Variants in MTX2 observed in about 807,000 individuals in gnomAD.
MTX2 encodes metaxin 2.
In MTX2, 35 loss-of-function variants were observed where a neutral mutation model predicts 42.3. The observed-to-expected ratio is 0.83, with a 90% CI of 0.63 to 1.10. MTX2 has a LOEUF of 1.10. Ranked by LOEUF, MTX2 falls within the 50% of genes least tolerant of loss-of-function variation. The pLI is 0.00. For synonymous variants in MTX2, 119 were observed against 100.9 expected (o/e 1.18, Z -1.08); for missense variants, 307 against 304.1 (o/e 1.01, Z -0.07).
At chr2:176,286,566 T>C (rs987458626) in intron 1 of MTX2, among the ~76,000 whole-genome samples, 2 of 151,526 alleles carry the variant, frequency 1.3e-5, no homozygotes, top group African/African-American at 4.9e-5. Context: ...TTTTTTTTTC[T>C]GAGATGGAGT....
At chr2:176,286,374 C>T (rs1417682182) in intron 1 of MTX2, among the ~76,000 whole-genome samples, 1 of 152,080 alleles carries the variant, frequency 6.6e-6, no homozygotes, top group Non-Finnish European at 1.5e-5. Flanking sequence ...TCTAGTTATT[C>T]TCTAGTTTTA....
intron 1 of MTX2, among the ~76,000 whole-genome samples, chr2:176,277,505 T>G (rs1453956627): frequency 6.6e-6 from 1 of 152,092 alleles, no homozygotes; most frequent in Non-Finnish European, 1.5e-5. Flanking sequence ...TGGGTTCAAG[T>G]GATTCTCCTG....
intron 3 of MTX2, among the ~76,000 whole-genome samples, chr2:176,317,524 G>C (rs1684476565): frequency 6.6e-6 from 1 of 152,164 alleles, no homozygotes; most frequent in South Asian, 2.1e-4. Context: ...AGGCTAAAGA[G>C]ATGAGGGACT....
chr2:176,281,124 C>G (rs1693068719), intron 1 of MTX2, among the ~76,000 whole-genome samples: 1 of 151,880 alleles, frequency 6.6e-6, no homozygotes, highest in African/African-American at 2.4e-5. Flanking sequence ...TACGTGTAGT[C>G]TCTGTTGATT....
chr2:176,325,518 T>C (rs1684687781), intron 4 of MTX2, among the ~76,000 whole-genome samples: 1 of 151,768 alleles, frequency 6.6e-6, no homozygotes, highest in Admixed American at 6.6e-5. Flanking sequence ...GCTCAATGTA[T>C]TTTTAAGAAA....
chr2:176,296,547 G>C (rs992539549), intron 1 of MTX2, among the ~76,000 whole-genome samples: 1 of 152,030 alleles, frequency 6.6e-6, no homozygotes, highest in African/African-American at 2.4e-5. Flanking sequence ...TTTGAAAGAA[G>C]CTAAAGGAAT....
At chr2:176,300,866 A>G (rs1304656319) in intron 3 of MTX2, among the ~76,000 whole-genome samples, 1 of 152,132 alleles carries the variant, frequency 6.6e-6, no homozygotes, top group Non-Finnish European at 1.5e-5. Context: ...CACTTAGAAG[A>G]GTACCTGGCA....
chr2:176,294,097 G>A (rs919227505), intron 1 of MTX2, among the ~76,000 whole-genome samples: 15 of 152,068 alleles, frequency 9.9e-5, no homozygotes, highest in African/African-American at 3.6e-4. Flanking sequence ...TAGATTGAGT[G>A]AAATATTCAC....
intron 1 of MTX2, among the ~76,000 whole-genome samples, chr2:176,279,602 C>T (rs550338453): frequency 6.6e-6 from 1 of 151,990 alleles, no homozygotes; most frequent in Admixed American, 6.6e-5. Context: ...TAGATGCTAT[C>T]ATTGTTATTT....
At chr2:176,310,807 T>C (rs1306608221) in intron 3 of MTX2, among the ~76,000 whole-genome samples, 1 of 152,228 alleles carries the variant, frequency 6.6e-6, no homozygotes, top group African/African-American at 2.4e-5. Flanking sequence ...TCTAACCTTT[T>C]TTCAAGGTTT....
intron 1 of MTX2, among the ~76,000 whole-genome samples, chr2:176,275,953 A>G (rs566570879): frequency 1.3e-5 from 2 of 152,338 alleles, no homozygotes; most frequent in African/African-American, 4.8e-5. Flanking sequence ...TACACTTTCT[A>G]TGGATTTTGA....
intron 3 of MTX2, 136 bp downstream of exon 3, chr2:176,298,031 T>C (rs1350234682): frequency 4.3e-6 from 2 of 468,068 alleles, no homozygotes; most frequent in Non-Finnish European, 7.5e-6. Flanking sequence ...TTTACCATTA[T>C]CTATATAACA....
chr2:176,283,281 A>G (rs1212393270), intron 1 of MTX2, among the ~76,000 whole-genome samples: 1 of 152,170 alleles, frequency 6.6e-6, no homozygotes, highest in African/African-American at 2.4e-5. Flanking sequence ...ACAAAATTAG[A>G]TCCTAGAGGG....
chr2:176,283,204 T>G (rs1430166414), intron 1 of MTX2, among the ~76,000 whole-genome samples: 1 of 152,184 alleles, frequency 6.6e-6, no homozygotes, highest in Non-Finnish European at 1.5e-5. Context: ...GCTTAATGTA[T>G]TTTAAATGGT....
chr2:176,302,018 A>C (rs1684035131), intron 3 of MTX2, among the ~76,000 whole-genome samples: 1 of 152,068 alleles, frequency 6.6e-6, no homozygotes, highest in South Asian at 2.1e-4. Context: ...TTACTTTCTA[A>C]TAAGTTTTAG....
intron 1 of MTX2, among the ~76,000 whole-genome samples, chr2:176,274,359 A>G (rs934496524): frequency 5.3e-5 from 8 of 152,294 alleles, no homozygotes; most frequent in East Asian, 1.9e-4. Context: ...TTTGTCATAT[A>G]TTGGGATCTC....
intron 3 of MTX2, among the ~76,000 whole-genome samples, chr2:176,311,907 C>T (rs900298488): frequency 2.6e-5 from 4 of 152,196 alleles, no homozygotes; most frequent in African/African-American, 9.7e-5. Context: ...ATGGGCTGCA[C>T]CCACTGCCCA....
chr2:176,324,132 A>C (rs905095468), intron 4 of MTX2, among the ~76,000 whole-genome samples: 3 of 151,546 alleles, frequency 2.0e-5, no homozygotes, highest in African/African-American at 7.2e-5. Flanking sequence ...GATTATTGTA[A>C]TTATGGTTTT....
intron 3 of MTX2, among the ~76,000 whole-genome samples, chr2:176,304,044 C>G (rs992460121): frequency 1.3e-5 from 2 of 151,832 alleles, no homozygotes; most frequent in African/African-American, 4.8e-5. Context: ...CAGAAAAAGG[C>G]TAGAATTTTT....
Sources: allele counts gnomAD v4.1 joint callset (sites outside exome capture counted in the v4.1 genomes callset), GRCh38; gene constraint gnomAD v4.1.1; transcripts MANE v1.5; gene names NCBI Gene and HGNC (gene_info 2026-07-23, HGNC 2026-07-21).